Variants in KALRN observed in about 807,000 individuals in gnomAD.
KALRN encodes kalirin RhoGEF kinase, also known as kalirin.
KALRN carries 70 observed loss-of-function variants against 353.7 expected under a neutral mutation model. That is an observed-to-expected ratio of 0.20 (90% CI 0.16 to 0.24). The LOEUF is 0.24. KALRN is among the 10% of genes least tolerant of loss of function. KALRN has a pLI of 1.00. For synonymous variants in KALRN, 1,391 were observed against 1,434.8 expected (o/e 0.97, Z 0.69); for missense variants, 2,791 against 3,756.7 (o/e 0.74, Z 6.72).
chr3:124,563,937 A>T (rs1412973986), intron 34 of KALRN, among the ~76,000 whole-genome samples: 1 of 150,346 alleles, frequency 6.7e-6, no homozygotes, highest in South Asian at 2.1e-4. Context: ...TGAGGTTGCC[A>T]TGAGGCTGCA....
intron 1 of KALRN, among the ~76,000 whole-genome samples, chr3:124,180,959 G>A (rs548728663): frequency 6.6e-6 from 1 of 151,514 alleles, no homozygotes; most frequent in South Asian, 2.1e-4. Context: ...CTTTTCTAGG[G>A]GTGGCTCACA....
intron 47 of KALRN, among the ~76,000 whole-genome samples, chr3:124,669,851 T>C (rs1387871656): frequency 1.3e-5 from 2 of 152,152 alleles, no homozygotes; most frequent in Admixed American, 1.3e-4. Context: ...CGATATAATG[T>C]ACATGCTATG....
intron 6 of KALRN, among the ~76,000 whole-genome samples, chr3:124,299,603 T>G (rs901112868): frequency 6.6e-6 from 1 of 152,110 alleles, no homozygotes; most frequent in African/African-American, 2.4e-5. Flanking sequence ...TTACTTTACC[T>G]CTCTATGCTT....
intron 1 of KALRN, among the ~76,000 whole-genome samples, chr3:124,218,862 A>G (rs1357091044): frequency 6.6e-6 from 1 of 152,244 alleles, no homozygotes; most frequent in Non-Finnish European, 1.5e-5. Flanking sequence ...AGTGCTAATT[A>G]TTAGTGATCT....
intron 57 of KALRN, among the ~76,000 whole-genome samples, chr3:124,705,840 C>T (rs1374092941): frequency 6.6e-6 from 1 of 150,976 alleles, no homozygotes; most frequent in Non-Finnish European, 1.5e-5. Flanking sequence ...TCCTTCCTTC[C>T]TTCCTTCCTT....
intron 1 of KALRN, among the ~76,000 whole-genome samples, chr3:124,085,625 T>C (rs190785364): frequency 2.0e-5 from 3 of 152,180 alleles, no homozygotes; most frequent in East Asian, 1.9e-4. Flanking sequence ...GAGTAGGGGG[T>C]AGAGAAGGAA....
chr3:124,534,504 A>G (rs1282226176), intron 33 of KALRN, among the ~76,000 whole-genome samples: 2 of 152,166 alleles, frequency 1.3e-5, no homozygotes, highest in African/African-American at 4.8e-5. Context: ...AGAAACCTAC[A>G]CATTCTGCGT....
At chr3:124,636,301 G>T (rs991349659) in intron 36 of KALRN, among the ~76,000 whole-genome samples, 1 of 152,054 alleles carries the variant, frequency 6.6e-6, no homozygotes, top group Non-Finnish European at 1.5e-5. Flanking sequence ...AACGGTGCAG[G>T]GTTAACTATT....
chr3:124,117,392 A>T (rs56389025), intron 1 of KALRN, among the ~76,000 whole-genome samples: 6,033 of 152,040 alleles, frequency 0.04, 411 homozygotes, highest in African/African-American at 0.14. Context: ...AAATAACTAA[A>T]CATTTATTAA....
At chr3:124,161,746 A>G (rs1375049167) in intron 1 of KALRN, among the ~76,000 whole-genome samples, 1 of 152,214 alleles carries the variant, frequency 6.6e-6, no homozygotes, top group Non-Finnish European at 1.5e-5. Flanking sequence ...TCAAAGCCTT[A>G]TAGGATCACC....
chr3:124,099,287 C>T (rs2061672645), intron 1 of KALRN: 1 of 152,194 alleles, frequency 6.6e-6, no homozygotes, highest in Non-Finnish European at 1.5e-5. Context: ...TTTTTAGCTT[C>T]CACATATGAG....
At chr3:124,383,202 A>G (rs1285750350) in intron 10 of KALRN, among the ~76,000 whole-genome samples, 9 of 152,210 alleles carry the variant, frequency 5.9e-5, no homozygotes. Flanking sequence ...CTAGAAGCCA[A>G]GACAAGTGTT....
chr3:124,239,771 C>T (rs920885964), intron 3 of KALRN, among the ~76,000 whole-genome samples: 4 of 152,114 alleles, frequency 2.6e-5, no homozygotes, highest in African/African-American at 9.7e-5. Context: ...CTATTTTCTG[C>T]GTGAGAGAGC....
intron 58 of KALRN, 99 bp from the exon 59 acceptor site, chr3:124,717,148 T>G: frequency 8.6e-7 from 1 of 1,167,424 alleles, no homozygotes; most frequent in South Asian, 1.7e-5. Flanking sequence ...TAACAATAAG[T>G]ATGAGAGAGT....
chr3:124,616,965 CA>C (rs10707283), intron 34 of KALRN, among the ~76,000 whole-genome samples: 86,383 of 125,566 alleles, frequency 0.69, 28,401 homozygotes, highest in African/African-American at 0.81. Context: ...ACTCCATCTC[CA>C]AAAAAAAAAA....
intron 9 of KALRN, among the ~76,000 whole-genome samples, chr3:124,344,331 G>A (rs948651641): frequency 2.0e-5 from 3 of 152,212 alleles, no homozygotes; most frequent in African/African-American, 7.2e-5. Context: ...GTAATTGTCA[G>A]GCACTGCTGA....
intron 5 of KALRN, among the ~76,000 whole-genome samples, chr3:124,285,802 C>T (rs1393456428): frequency 2.0e-5 from 3 of 152,200 alleles, no homozygotes; most frequent in Non-Finnish European, 4.4e-5. Context: ...TCCCAAAGTG[C>T]TGGGATTACA....
intron 1 of KALRN, among the ~76,000 whole-genome samples, chr3:124,227,731 A>G (rs1271845930): frequency 1.9e-5 from 2 of 108,102 alleles, no homozygotes; most frequent in African/African-American, 7.2e-5. Flanking sequence ...AGGTTTCTCC[A>G]TGTGGGGAGG....
chr3:124,369,249 A>T (rs1256155249), intron 10 of KALRN, among the ~76,000 whole-genome samples: 1 of 152,256 alleles, frequency 6.6e-6, no homozygotes, highest in African/African-American at 2.4e-5. Flanking sequence ...TTTACCTGTC[A>T]ATTGACAAAA....
Sources: gnomAD v4.1 joint callset for allele counts (sites outside exome capture counted in the v4.1 genomes callset) on GRCh38, gnomAD v4.1.1 for gene constraint, MANE v1.5 for transcripts, NCBI Gene and HGNC (gene_info 2026-07-23, HGNC 2026-07-21) for gene names.